Variants in FANCC observed in about 807,000 individuals in gnomAD.
The protein encoded by FANCC is FA complementation group C.
FANCC carries 55 observed loss-of-function variants against 71.3 expected under a neutral mutation model. That is an observed-to-expected ratio of 0.77 (90% confidence interval 0.62 to 0.97). FANCC has a LOEUF of 0.97. Among genes scored for constraint, FANCC ranks in the 50% least tolerant of loss-of-function variants. The pLI is 0.00. For missense variants in FANCC, 678 were observed against 670.9 expected (o/e 1.01, Z -0.12); for synonymous variants, 275 against 244.9 (o/e 1.12, Z -1.15).
chr9:95,292,811 C>T, intron 1 of FANCC: 1 of 1,574,520 alleles, frequency 6.4e-7, no homozygotes, highest in Non-Finnish European at 8.7e-7. Context: ...TTATGAAAAT[C>T]CATGCTGAGA....
intron 1 of FANCC, among the ~76,000 whole-genome samples, chr9:95,279,947 C>CAAAAAAAAAAAAAA: frequency 1.5e-5 from 1 of 64,768 alleles, no homozygotes; most frequent in Non-Finnish European, 3.0e-5. Flanking sequence ...GACTCTGTCT[C>CAAAAAAAAAAAAAA]AAAAAAAAAA....
chr9:95,138,826 A>G (rs1038949036), intron 7 of FANCC, among the ~76,000 whole-genome samples: 7 of 152,212 alleles, frequency 4.6e-5, no homozygotes, highest in Non-Finnish European at 8.8e-5. Context: ...ACTCAAGCAC[A>G]CGAGTCACAC....
At chr9:95,317,442 T>C (rs1231606954) in intron 1 of FANCC, 84 bp downstream of exon 1, 3 of 152,242 alleles carry the variant, frequency 2.0e-5, no homozygotes, top group African/African-American at 7.2e-5. Flanking sequence ...CCTCGCCTCC[T>C]CCTCCCGCTC....
intron 9 of FANCC, 43 bp downstream of exon 9, chr9:95,126,486 C>A: frequency 1.3e-6 from 2 of 1,577,592 alleles, no homozygotes; most frequent in Non-Finnish European, 8.7e-7. Context: ...GGAAATGGAA[C>A]CTTTTTTACA....
chr9:95,293,282 G>A, intron 1 of FANCC: 1 of 1,613,686 alleles, frequency 6.2e-7, no homozygotes, highest in African/African-American at 1.3e-5. Context: ...TCTCATGCCT[G>A]TCTTTGTGCC....
chr9:95,287,902 T>C (rs1277543300), intron 1 of FANCC, among the ~76,000 whole-genome samples: 3 of 152,176 alleles, frequency 2.0e-5, no homozygotes, highest in Non-Finnish European at 4.4e-5. Flanking sequence ...AAGATACATA[T>C]CCAAGATAAG....
chr9:95,177,340 ATGAATGGAGCC>A (rs1204018410), intron 4 of FANCC, among the ~76,000 whole-genome samples: 1 of 152,224 alleles, frequency 6.6e-6, no homozygotes, highest in Non-Finnish European at 1.5e-5. Context: ...GACACTTCCC[ATGAATGGAGCC>A]TGAAGAACTG....
At chr9:95,254,667 C>T (rs957543691) in intron 1 of FANCC, among the ~76,000 whole-genome samples, 3 of 152,210 alleles carry the variant, frequency 2.0e-5, no homozygotes, top group Non-Finnish European at 2.9e-5. Context: ...TGGGCAGACA[C>T]CGAGCTAGCT....
intron 6 of FANCC, among the ~76,000 whole-genome samples, chr9:95,164,516 G>A (rs1025449477): frequency 6.6e-6 from 1 of 152,082 alleles, no homozygotes; most frequent in Non-Finnish European, 1.5e-5. Flanking sequence ...CCATAAGTGA[G>A]TATTGAGTTT....
intron 7 of FANCC, among the ~76,000 whole-genome samples, chr9:95,137,819 G>A (rs941287947): frequency 2.0e-5 from 3 of 152,348 alleles, no homozygotes; most frequent in African/African-American, 7.2e-5. Flanking sequence ...CAGAGGACGC[G>A]TCATCAGAGC....
chr9:95,217,162 G>A (rs561033937), intron 4 of FANCC, among the ~76,000 whole-genome samples: 2 of 152,236 alleles, frequency 1.3e-5, no homozygotes, highest in Non-Finnish European at 2.9e-5. Flanking sequence ...AAAGATATGT[G>A]GAAAAGCCTC....
chr9:95,293,892 T>A, intron 1 of FANCC: 1 of 1,602,234 alleles, frequency 6.2e-7, no homozygotes. Context: ...CAGAGACATT[T>A]TTGAGTGTTC....
At chr9:95,299,144 G>T (rs1834572253) in intron 1 of FANCC, among the ~76,000 whole-genome samples, 1 of 152,144 alleles carries the variant, frequency 6.6e-6, no homozygotes, top group African/African-American at 2.4e-5. Context: ...GGGTACTCTT[G>T]CAAAGCAACA....
At chr9:95,196,949 G>T (rs999849853) in intron 4 of FANCC, among the ~76,000 whole-genome samples, 2 of 152,098 alleles carry the variant, frequency 1.3e-5, no homozygotes, top group Non-Finnish European at 2.9e-5. Context: ...CCTTTCCCTG[G>T]ACTCTGACTG....
Position 95,163,970 on chromosome 9 carries a change from T to C in FANCC, c.521+7109A>G, listed in dbSNP as rs139921545. 2.6e-3 allele frequency among the ~76,000 whole-genome samples: 403 copies of C among 152,380 alleles called. 2 individuals carry two copies. Among genetic ancestry groups the C allele is most frequent in the Non-Finnish European group, 4.6e-3 (316 of 68,038 alleles). On this transcript the variant is annotated intron_variant, in intron 6 of 14. Coordinates refer to ENST00000289081, the MANE Select transcript of FANCC (RefSeq NM_000136.3). ...TTTTAGCAATGTATAGCTTTCACTGTGCAAATCTTTCACCTCCTTAGTTGC... is the reference window on the plus strand; with the variant it reads ...TTTTAGCAATGTATAGCTTTCACTGCGCAAATCTTTCACCTCCTTAGTTGC...
intron 4 of FANCC, among the ~76,000 whole-genome samples, chr9:95,192,144 G>A (rs1020279898): frequency 2.6e-5 from 4 of 152,186 alleles, no homozygotes; most frequent in South Asian, 2.1e-4. Flanking sequence ...ATCTAAAATC[G>A]ATTCCCACGG....
chr9:95,099,514 A>T lies in FANCC; in HGVS notation c.*2193T>A. On this transcript the variant is annotated 3_prime_UTR_variant, in exon 15 of 15. Transcript: ENST00000289081. ...CTTTGCCGAAATCGAAGGCAACAAG[A>T]GGGGGAGGTGGGCTTAAGAGTGCCT... 1 of 228,458 alleles carries T rather than the reference A, an allele frequency of 4.4e-6. No homozygotes were observed. Among genetic ancestry groups the T allele is most frequent in the Non-Finnish European group, 8.7e-6 (1 of 115,586 alleles). 14.2% of individuals were successfully genotyped at this position (228,458 alleles called of 1,614,324 possible).
chr9:95,209,828 C>G (rs1484634369), intron 4 of FANCC, among the ~76,000 whole-genome samples: 1 of 152,170 alleles, frequency 6.6e-6, no homozygotes, highest in South Asian at 2.1e-4. Context: ...ACTGCAATAA[C>G]CTACTTCCAC....
intron 4 of FANCC, among the ~76,000 whole-genome samples, chr9:95,209,017 C>A (rs1408378011): frequency 6.6e-6 from 1 of 152,148 alleles, no homozygotes; most frequent in Non-Finnish European, 1.5e-5. Flanking sequence ...ACCAAGATGA[C>A]CTTCGGTAGG....
Sources: allele counts gnomAD v4.1 joint callset (sites outside exome capture counted in the v4.1 genomes callset), GRCh38; gene constraint gnomAD v4.1.1; transcripts MANE v1.5; gene names NCBI Gene and HGNC (gene_info 2026-07-23, HGNC 2026-07-21).